GABBR2: variants seen among roughly 807,000 people sequenced by gnomAD.
GABBR2 encodes the protein gamma-aminobutyric acid type B receptor subunit 2.
GABBR2 carries 23 observed loss-of-function variants against 105.6 expected under a neutral mutation model. The observed-to-expected ratio is 0.22, with a 90% CI of 0.16 to 0.31. The LOEUF (loss-of-function observed/expected upper bound fraction) is 0.31. Ranked by LOEUF, GABBR2 falls within the 10% of genes least tolerant of loss-of-function variation. The pLI is 1.00. For missense variants in GABBR2, 734 were observed against 1,245.5 expected (o/e 0.59, Z 6.18); for synonymous variants, 478 against 499.7 (o/e 0.96, Z 0.58).
At chr9:98,653,380 T>C (rs138581630) in intron 1 of GABBR2, among the ~76,000 whole-genome samples, 116 of 152,336 alleles carry the variant, frequency 7.6e-4, no homozygotes, top group Middle Eastern at 6.8e-3. Flanking sequence ...CAGTTAGTCT[T>C]CTTTACCCAT....
chr9:98,611,702 C>T (rs760027701), intron 1 of GABBR2, among the ~76,000 whole-genome samples: 8 of 152,156 alleles, frequency 5.3e-5, no homozygotes, highest in Non-Finnish European at 1.0e-4. Context: ...CTTAGAAAAG[C>T]CTCCCCAATT....
intron 1 of GABBR2, among the ~76,000 whole-genome samples, chr9:98,660,660 G>C (rs1588272834): frequency 6.6e-6 from 1 of 152,286 alleles, no homozygotes; most frequent in East Asian, 1.9e-4. Context: ...GTCTTACAGG[G>C]CTAAAGTCAA....
At chr9:98,553,747 A>C (rs1315992836) in intron 2 of GABBR2, among the ~76,000 whole-genome samples, 2 of 152,358 alleles carry the variant, frequency 1.3e-5, no homozygotes, top group African/African-American at 2.4e-5. Flanking sequence ...CCTATGAAGT[A>C]GATGTGATTC....
At chr9:98,585,351 T>C (rs1189486261) in intron 1 of GABBR2, among the ~76,000 whole-genome samples, 1 of 151,508 alleles carries the variant, frequency 6.6e-6, no homozygotes, top group Admixed American at 6.6e-5. Context: ...GGGACATGGA[T>C]GAAGCTGGAA....
rs577762076 is a variant in GABBR2 at position 98,496,630 on chromosome 9, C to T, written c.631-116G>A. ...AAAGCGATTTTCTCTACCGACAATG[C>T]AAAGTGAGTGGTTTTGTTTTACATT... On this transcript the variant is annotated intron_variant, in intron 3 of 18. Coordinates refer to ENST00000259455, the MANE Select transcript of GABBR2 (RefSeq NM_005458.8). 11 of 711,754 alleles carry T rather than the reference C, an allele frequency of 1.5e-5. No individual in the cohort carries two copies. The Admixed American group carries it at 1.7e-4, about 11-fold the overall frequency. The allele number at this position is 711,754 out of a possible 1,614,324, so 44.1% of individuals were successfully genotyped here. A position where few individuals can be genotyped will look rare whatever the true frequency, so the allele number is the denominator to read the frequency against.
chr9:98,518,181 C>T (rs980241725), intron 3 of GABBR2, among the ~76,000 whole-genome samples: 1 of 152,168 alleles, frequency 6.6e-6, no homozygotes, highest in South Asian at 2.1e-4. Context: ...AGTTGATGCT[C>T]GTGACTCCAG....
At chr9:98,354,989 G>A (rs1831460866) in intron 13 of GABBR2, among the ~76,000 whole-genome samples, 1 of 152,168 alleles carries the variant, frequency 6.6e-6, no homozygotes, top group South Asian at 2.1e-4. Flanking sequence ...AGTGAGAGAT[G>A]TGTGACTCTT....
chr9:98,654,633 C>T (rs780004929), intron 1 of GABBR2, among the ~76,000 whole-genome samples: 1 of 152,162 alleles, frequency 6.6e-6, no homozygotes, highest in Non-Finnish European at 1.5e-5. Flanking sequence ...GAAGAAGTGA[C>T]ATCAGAGCTG....
chr9:98,342,173 C>T (rs1831225179), intron 13 of GABBR2, among the ~76,000 whole-genome samples: 1 of 151,902 alleles, frequency 6.6e-6, no homozygotes, highest in South Asian at 2.1e-4. Flanking sequence ...ATGTGGTCCA[C>T]AGGCCCCTGG....
At chr9:98,627,961 T>C (rs1465457559) in intron 1 of GABBR2, among the ~76,000 whole-genome samples, 2 of 152,240 alleles carry the variant, frequency 1.3e-5, no homozygotes, top group African/African-American at 4.8e-5. Context: ...GCAGCCAGAC[T>C]TTCTGCTGAA....
At chr9:98,639,208 A>G (rs1263344994) in intron 1 of GABBR2, among the ~76,000 whole-genome samples, 1 of 152,124 alleles carries the variant, frequency 6.6e-6, no homozygotes, top group Non-Finnish European at 1.5e-5. Context: ...TCCAGAGCAC[A>G]TTGAAGGAGA....
intron 17 of GABBR2, among the ~76,000 whole-genome samples, chr9:98,296,810 T>A (rs1713606382): frequency 6.6e-6 from 1 of 152,136 alleles, no homozygotes; most frequent in South Asian, 2.1e-4. Flanking sequence ...CATAAGCTTG[T>A]TATCTGAGTT....
At chr9:98,672,524 G>A (rs374182600) in intron 1 of GABBR2, among the ~76,000 whole-genome samples, 8 of 152,232 alleles carry the variant, frequency 5.3e-5, no homozygotes, top group African/African-American at 1.7e-4. Flanking sequence ...CTCAGGGTTC[G>A]TCTGAGTCGG....
At chr9:98,659,403 C>A (rs554560592) in intron 1 of GABBR2, among the ~76,000 whole-genome samples, 4 of 151,576 alleles carry the variant, frequency 2.6e-5, no homozygotes, top group African/African-American at 7.3e-5. Flanking sequence ...CAGGGGTCAG[C>A]AAATGTTTTC....
At chr9:98,311,965 C>T (rs968548375) in intron 13 of GABBR2, among the ~76,000 whole-genome samples, 1 of 152,204 alleles carries the variant, frequency 6.6e-6, no homozygotes, top group African/African-American at 2.4e-5. Flanking sequence ...AAAAGACACC[C>T]AGGGAATGAA....
intron 2 of GABBR2, among the ~76,000 whole-genome samples, chr9:98,560,454 CAT>C (rs955814403): frequency 4.0e-5 from 6 of 148,308 alleles, no homozygotes; most frequent in Admixed American, 1.4e-4. Flanking sequence ...CACACACACA[CAT>C]ATATACATGC....
At chr9:98,430,022 C>T (rs1825769945) in intron 7 of GABBR2, among the ~76,000 whole-genome samples, 1 of 152,166 alleles carries the variant, frequency 6.6e-6, no homozygotes, top group Non-Finnish European at 1.5e-5. Context: ...CGTGGTGGCT[C>T]ATGCCTGTAA....
At chr9:98,612,609 A>G (rs1159422908) in intron 1 of GABBR2, among the ~76,000 whole-genome samples, 2 of 152,270 alleles carry the variant, frequency 1.3e-5, no homozygotes, top group Admixed American at 6.5e-5. Flanking sequence ...CGCAAATTAA[A>G]TTCACATTTT....
At chr9:98,457,156 CT>C (rs1217072345) in intron 6 of GABBR2, among the ~76,000 whole-genome samples, 1 of 152,242 alleles carries the variant, frequency 6.6e-6, no homozygotes, top group Non-Finnish European at 1.5e-5. Flanking sequence ...CCTTTGACTT[CT>C]CTTTTGGATT....
Sources: allele counts gnomAD v4.1 joint callset (sites outside exome capture counted in the v4.1 genomes callset), GRCh38; gene constraint gnomAD v4.1.1; transcripts MANE v1.5; gene names NCBI Gene and HGNC (gene_info 2026-07-23, HGNC 2026-07-21).